The following SYN3 variants were observed in gnomAD, a reference collection of about 807,000 sequenced individuals.
The protein encoded by SYN3 is synapsin III, also known as synapsin-3.
SYN3 carries 35 observed loss-of-function variants against 65.8 expected under a neutral mutation model. The observed-to-expected ratio is 0.53, with a 90% CI of 0.41 to 0.70. The LOEUF is 0.70. SYN3 is among the 30% of genes least tolerant of loss of function. The pLI, the probability that SYN3 is intolerant of heterozygous loss-of-function variation, is 0.00. For synonymous variants in SYN3, 270 were observed against 292.9 expected (o/e 0.92, Z 0.80); for missense variants, 680 against 749.0 (o/e 0.91, Z 1.08).
chr22:32,838,542 T>G (rs945461842), intron 6 of SYN3, among the ~76,000 whole-genome samples: 6 of 152,132 alleles, frequency 3.9e-5, no homozygotes, highest in African/African-American at 1.2e-4. Flanking sequence ...TTGGGTGCTG[T>G]CCTTCCACAG....
At chr22:33,029,589 C>G (rs936331702) in intron 1 of SYN3, among the ~76,000 whole-genome samples, 1 of 152,168 alleles carries the variant, frequency 6.6e-6, no homozygotes, top group African/African-American at 2.4e-5. Flanking sequence ...TCCCTCCAGC[C>G]TTAGGAGGTA....
Position 32,510,691 on chromosome 22 carries a change from G to A in SYN3, c.*3001C>T, listed in dbSNP as rs545355863. On this transcript the variant is annotated 3_prime_UTR_variant, in exon 14 of 14. Coordinates refer to ENST00000358763, the MANE Select transcript of SYN3 (RefSeq NM_003490.4). ...AACTTCAACTCCTATAGCTCTCTGT[G>A]CTTGAATCTTGTAACAGGCTGCTCT... Among the ~76,000 whole-genome samples the A allele has an allele frequency of 7.2e-5, 11 of 152,242 alleles. No homozygotes were observed. Among genetic ancestry groups the A allele is most frequent in the African/African-American group, 2.6e-4 (11 of 41,534 alleles).
chr22:32,705,686 A>G (rs2060871643), intron 6 of SYN3, among the ~76,000 whole-genome samples: 1 of 152,222 alleles, frequency 6.6e-6, no homozygotes, highest in African/African-American at 2.4e-5. Flanking sequence ...CCAATCCATG[A>G]GCATGGAATA....
At chr22:32,752,626 C>T (rs939765287) in intron 6 of SYN3, among the ~76,000 whole-genome samples, 9 of 152,254 alleles carry the variant, frequency 5.9e-5, no homozygotes, top group African/African-American at 2.2e-4. Context: ...CAGGCCTCAT[C>T]TTGTTTCACC....
At position 32,778,799 on chromosome 22, in the gene SYN3, T is replaced by C. The variant is rs143428866; in HGVS notation, c.711+86116A>G. On this transcript the variant is annotated intron_variant, in intron 6 of 13. Transcript: ENST00000358763. The stretch of plus-strand genomic sequence containing the variant: ...ACAACCTTCAACATACCTTAATTTG[T>C]TTCTTAATAAGAAAGCAACACACAA... Among the ~76,000 whole-genome samples the C allele has an allele frequency of 1.5e-3, 231 of 152,312 alleles. 1 individual carries two copies. The highest frequency in any genetic ancestry group is 2.5e-3 in the Non-Finnish European group (170 of 68,030).
chr22:32,659,999 T>C (rs374470461), intron 6 of SYN3, among the ~76,000 whole-genome samples: 243 of 152,332 alleles, frequency 1.6e-3, no homozygotes, highest in African/African-American at 5.6e-3. Context: ...GTTCAATGTA[T>C]ATTTGTAGAG....
intron 2 of SYN3, among the ~76,000 whole-genome samples, chr22:32,994,517 G>T (rs924068641): frequency 3.3e-5 from 5 of 152,254 alleles, no homozygotes; most frequent in Non-Finnish European, 7.4e-5. Context: ...ACACAAACAG[G>T]CAGGGCCTGC....
At chr22:32,947,520 T>C (rs2051149509) in intron 3 of SYN3, 1 of 152,148 alleles carries the variant, frequency 6.6e-6, no homozygotes, top group East Asian at 1.9e-4. Context: ...AAGGAGGATG[T>C]TTTCAGGCAG....
chr22:32,853,795 A>G (rs1166217745), intron 6 of SYN3, among the ~76,000 whole-genome samples: 1 of 152,218 alleles, frequency 6.6e-6, no homozygotes, highest in Non-Finnish European at 1.5e-5. Context: ...CTGCTATTCT[A>G]AGTCATTTGC....
At chr22:32,574,815 T>C (rs1014145026) in intron 7 of SYN3, among the ~76,000 whole-genome samples, 5 of 152,262 alleles carry the variant, frequency 3.3e-5, no homozygotes, top group Non-Finnish European at 5.9e-5. Flanking sequence ...AGTCATATGC[T>C]ATTGCATTAC....
Position 32,868,972 on chromosome 22 carries a change from G to C in SYN3, c.615C>G (p.Pro205=). The C allele has an allele frequency of 6.2e-7, 1 of 1,613,706 alleles. No individual in the cohort carries two copies. The highest frequency in any genetic ancestry group is 8.5e-7 in the Non-Finnish European group (1 of 1,179,826). ...AGCCTGCCCTGTCACCTACCACCCA[G>C]GGCTTGCTGCAGAAGTTGTAGACGG... ...LYSVYNFCSK[P]WVFSQLIKIF... Residue 205 remains proline, a synonymous_variant, in exon 5 of 14, where the codon CCC becomes CCG. Transcript: ENST00000358763.
chr22:32,861,033 A>C (rs2048521605), intron 6 of SYN3: 1 of 151,926 alleles, frequency 6.6e-6, no homozygotes, highest in African/African-American at 2.4e-5. Context: ...TATTTTACAG[A>C]GTGGGGGTTG....
intron 6 of SYN3, among the ~76,000 whole-genome samples, chr22:32,635,616 T>C (rs1287673893): frequency 6.6e-6 from 1 of 152,212 alleles, no homozygotes; most frequent in Non-Finnish European, 1.5e-5. Context: ...ATGGTGAATT[T>C]CCTGGCATCT....
chr22:32,802,098 G>T, intron 6 of SYN3: 1 of 1,581,436 alleles, frequency 6.3e-7, no homozygotes, highest in Admixed American at 1.8e-5. Flanking sequence ...CCACCCCCAG[G>T]ACGCCTTCTG....
chr22:32,656,070 T>C (rs998454388), intron 6 of SYN3, among the ~76,000 whole-genome samples: 4 of 152,244 alleles, frequency 2.6e-5, no homozygotes, highest in Non-Finnish European at 5.9e-5. Context: ...GAATGCCTGC[T>C]GTGTGGTAGA....
intron 7 of SYN3, among the ~76,000 whole-genome samples, chr22:32,563,656 A>T (rs905487460): frequency 2.6e-5 from 4 of 152,072 alleles, no homozygotes; most frequent in African/African-American, 9.7e-5. Context: ...TTCCCCTTGG[A>T]CAACCTGGAG....
chr22:32,916,667 G>A (rs1468288819), intron 4 of SYN3, among the ~76,000 whole-genome samples: 2 of 152,166 alleles, frequency 1.3e-5, no homozygotes, highest in African/African-American at 4.8e-5. Context: ...AGTCACTTAG[G>A]CGAAGCTTGA....
At chr22:32,576,279 C>T (rs2058849366) in intron 7 of SYN3, among the ~76,000 whole-genome samples, 1 of 151,760 alleles carries the variant, frequency 6.6e-6, no homozygotes, top group Admixed American at 6.5e-5. Context: ...CACCATGTGC[C>T]AAGCTCTGTG....
At chr22:32,931,157 C>A in intron 4 of SYN3, 1 of 424,440 alleles carries the variant, frequency 2.4e-6, no homozygotes, top group Non-Finnish European at 4.3e-6. Context: ...GAAATGGAAC[C>A]CAAGTCTTTT....
Sources: allele counts gnomAD v4.1 joint callset (sites outside exome capture counted in the v4.1 genomes callset), GRCh38; gene constraint gnomAD v4.1.1; transcripts MANE v1.5; gene names NCBI Gene and HGNC (gene_info 2026-07-23, HGNC 2026-07-21).